FGL1: variants seen among roughly 807,000 people sequenced by gnomAD.
FGL1 encodes fibrinogen like 1, also known as fibrinogen-like protein 1.
FGL1 carries 59 observed loss-of-function variants against 43.7 expected under a neutral mutation model. The observed-to-expected ratio is 1.35, with a 90% CI of 1.10 to 1.68. The LOEUF is 1.68. FGL1 is among the 40% of genes most tolerant of loss of function. The pLI is 0.00. For missense variants in FGL1, 596 were observed against 373.0 expected (o/e 1.60, Z -4.92); for synonymous variants, 192 against 126.5 (o/e 1.52, Z -3.48).
rs1311966462 is a variant in FGL1, at chr8:17,875,499, CT to C, written c.245-979del. 6.9e-3 allele frequency among the ~76,000 whole-genome samples: 49 copies of C among 7,070 alleles called. 1 individual carries two copies. The highest frequency in any genetic ancestry group is 9.3e-3 in the African/African-American group (18 of 1,940). 4.6% of individuals were successfully genotyped at this position (7,070 alleles called of 152,430 possible). On this transcript the variant is annotated intron_variant, in intron 3 of 7. Transcript: ENST00000427924. ...GTGATATCTCTTTCTTTCTTTCTTT[CT>C]TTCTTTCTTTCTTTCTTTCTTTCTT...
chr8:17,878,601 C>T (rs1048902587), intron 3 of FGL1, among the ~76,000 whole-genome samples: 17 of 152,018 alleles, frequency 1.1e-4, no homozygotes, highest in Admixed American at 9.2e-4. Flanking sequence ...ATTCATAATC[C>T]GCTAGCACCC....
chr8:17,874,791 CT>C (rs2053420424), intron 3 of FGL1: 1 of 245,168 alleles, frequency 4.1e-6, no homozygotes, highest in Non-Finnish European at 7.7e-6. Context: ...TTTCTTTCTT[CT>C]TTTTTCTTTT....
chr8:17,864,463 A>G lies in FGL1; in HGVS notation c.*129T>C. On this transcript the variant is annotated 3_prime_UTR_variant, in exon 8 of 8. Coordinates refer to ENST00000427924, the MANE Select transcript of FGL1 (RefSeq NM_004467.4). ...TGAAAGCACATTAAGTAACAAAGGCAAGTGAGAAGAATGAAAAGCACTACT... is the reference window on the plus strand; with the variant it reads ...TGAAAGCACATTAAGTAACAAAGGCGAGTGAGAAGAATGAAAAGCACTACT... The G allele has an allele frequency of 1.1e-6, 1 of 946,136 alleles. No individual in the cohort carries two copies. Among genetic ancestry groups the G allele is most frequent in the South Asian group, 1.9e-5 (1 of 52,194 alleles). 58.6% of individuals were successfully genotyped at this position (946,136 alleles called of 1,614,324 possible).
chr8:17,868,617 C>T lies in FGL1; in HGVS notation c.710G>A (p.Trp237Ter), dbSNP rs563271358. ...ASHQRMKFST[W>*]DRDHDNYEGN... ...TTCATAGTTGTCATGATCTCTGTCC[C>T]ACGTGCTGAATTTCATTCTTTGGTG... The change falls in exon 7 of 8, where the codon TGG (tryptophan) becomes TAG (stop). Residue 237 changes from tryptophan to a stop codon, truncating the protein, a stop_gained. Coordinates refer to ENST00000427924, the MANE Select transcript of FGL1 (RefSeq NM_004467.4). LOFTEE classifies it high-confidence loss of function. 6.2e-7 allele frequency: 1 copy of T among 1,614,088 alleles called. No individual in the cohort carries two copies. Among genetic ancestry groups the T allele is most frequent in the Admixed American group, 1.7e-5 (1 of 59,986 alleles).
chr8:17,873,529 A>G (rs921645747), intron 5 of FGL1, among the ~76,000 whole-genome samples: 6 of 152,106 alleles, frequency 3.9e-5, no homozygotes, highest in African/African-American at 1.2e-4. Flanking sequence ...TTAAGCCACT[A>G]AGCTTTGGAA....
In FGL1 at chr8:17,873,981, T is replaced by C. The variant is rs779954253; in HGVS notation, c.502+38A>G. On this transcript the variant is annotated intron_variant, in intron 5 of 7. Coordinates refer to ENST00000427924, the MANE Select transcript of FGL1 (RefSeq NM_004467.4). ...AAAAAAAATTTTAGTGTTGTTTTTA[T>C]TATATTTCAAATAAATCTGACATCA... The C allele has an allele frequency of 1.2e-5, 18 of 1,455,276 alleles. No homozygotes were observed. The Admixed American group carries it at 4.3e-4, about 35-fold the overall frequency. 90.1% of individuals were successfully genotyped at this position (1,455,276 alleles called of 1,614,324 possible). A position where few individuals can be genotyped will look rare whatever the true frequency, so the allele number is the denominator to read the frequency against.
Position 17,875,533 on chromosome 8 carries a change from T to TTCTCTCTCTCTCTCTCTCTC in FGL1, c.245-1013_245-1012insGAGAGAGAGAGAGAGAGAGA, listed in dbSNP as rs553838593. On this transcript the variant is annotated intron_variant, in intron 3 of 7. Coordinates refer to ENST00000427924, the MANE Select transcript of FGL1 (RefSeq NM_004467.4). ...TTTCTTTCTTTCTTTCTTTCTTTCTTTCTCTTTCTTTCTTTCTTTCTTTCT... is the reference window on the plus strand; with the variant it reads ...TTTCTTTCTTTCTTTCTTTCTTTCTTTCTCTCTCTCTCTCTCTCTCTCTCTTTCTTTCTTTCTTTCTTTCT... Among the ~76,000 whole-genome samples, 5 of 11,846 alleles carry TTCTCTCTCTCTCTCTCTCTC rather than the reference T, an allele frequency of 4.2e-4. 1 individual carries two copies. Among genetic ancestry groups the TTCTCTCTCTCTCTCTCTCTC allele is most frequent in the African/African-American group, 1.2e-3 (5 of 4,302 alleles). The allele number at this position is 11,846 out of a possible 152,430, so 7.8% of individuals were successfully genotyped here. A position where few individuals can be genotyped will look rare whatever the true frequency, so the allele number is the denominator to read the frequency against.
At chr8:17,865,297 G>C (rs933274998) in intron 7 of FGL1, among the ~76,000 whole-genome samples, 18 of 152,146 alleles carry the variant, frequency 1.2e-4, no homozygotes, top group African/African-American at 4.3e-4. Context: ...TACTTAACAA[G>C]AGCTAAGGTG....
At position 17,895,443 on chromosome 8, in the gene FGL1, T is replaced by G. The variant is rs181767124; in HGVS notation, c.-18+4A>C. On this transcript the variant is annotated splice_donor_region_variant and intron_variant, in intron 1 of 7. Transcript: ENST00000427924. Reference sequence around the variant, plus strand: ...CAAAAATGCAGAGACATTAAATAACTTGCCTAAAGTCAGAAGTGAGTCAGA... The same window carrying G: ...CAAAAATGCAGAGACATTAAATAACGTGCCTAAAGTCAGAAGTGAGTCAGA... The G allele has an allele frequency of 5.5e-6, 7 of 1,283,220 alleles. No individual in the cohort carries two copies. In the East Asian group the frequency reaches 2.2e-4, roughly 41 times the overall value. 79.5% of individuals were successfully genotyped at this position (1,283,220 alleles called of 1,614,324 possible). A position where few individuals can be genotyped will look rare whatever the true frequency, so the allele number is the denominator to read the frequency against.
rs2053440403 is a variant in FGL1, at chr8:17,875,550, T to TTTCC, written c.245-1030_245-1029insGGAA. On this transcript the variant is annotated intron_variant, in intron 3 of 7. Transcript: ENST00000427924. ...TTCTTTCTTTCTCTTTCTTTCTTTC[T>TTTCC]TTCTTTCTTTCTTTCTTTCTTTCTT... Among the ~76,000 whole-genome samples, 5 of 15,960 alleles carry TTTCC rather than the reference T, an allele frequency of 3.1e-4. 1 individual carries two copies. The highest frequency in any genetic ancestry group is 1.4e-3 in the Admixed American group (3 of 2,190). 10.5% of individuals were successfully genotyped at this position (15,960 alleles called of 152,430 possible).
chr8:17,884,520 C>G (rs978728049), intron 2 of FGL1, among the ~76,000 whole-genome samples: 3 of 152,002 alleles, frequency 2.0e-5, no homozygotes, highest in Admixed American at 6.6e-5. Flanking sequence ...CTTATTTGTT[C>G]TTGTTACTCT....
chr8:17,884,449 C>T (rs1403439173), intron 2 of FGL1, among the ~76,000 whole-genome samples: 1 of 152,168 alleles, frequency 6.6e-6, no homozygotes, highest in Non-Finnish European at 1.5e-5. Context: ...CCCACCTCGG[C>T]CCCTCAAAGT....
chr8:17,880,462 C>A (rs1041306260), intron 3 of FGL1, among the ~76,000 whole-genome samples: 3 of 152,116 alleles, frequency 2.0e-5, no homozygotes. Context: ...ACTCTTTGAC[C>A]TCTACAGTCT....
chr8:17,870,855 G>A (rs1044432077), intron 5 of FGL1, among the ~76,000 whole-genome samples: 2 of 151,596 alleles, frequency 1.3e-5, no homozygotes, highest in Admixed American at 1.3e-4. Context: ...GCAGTGAGCC[G>A]AGATCGCGCC....
At chr8:17,879,623 C>G (rs936992759) in intron 3 of FGL1, among the ~76,000 whole-genome samples, 6 of 152,144 alleles carry the variant, frequency 3.9e-5, no homozygotes, top group Non-Finnish European at 7.3e-5. Flanking sequence ...GATGTGCCTG[C>G]TTCTGCTTTG....
At chr8:17,877,328 A>C (rs997879644) in intron 3 of FGL1, among the ~76,000 whole-genome samples, 2 of 152,190 alleles carry the variant, frequency 1.3e-5, no homozygotes, top group African/African-American at 4.8e-5. Context: ...ACTGTATTAA[A>C]CTGGGTTATG....
chr8:17,872,427 C>G (rs1013410747), intron 5 of FGL1, among the ~76,000 whole-genome samples: 1 of 150,948 alleles, frequency 6.6e-6, no homozygotes, highest in Non-Finnish European at 1.5e-5. Flanking sequence ...CTCAGCCTCC[C>G]AAGTGGCTGG....
At chr8:17,870,382 T>A (rs1391493434) in intron 5 of FGL1, among the ~76,000 whole-genome samples, 1 of 152,186 alleles carries the variant, frequency 6.6e-6, no homozygotes, top group Admixed American at 6.5e-5. Context: ...GGGCACCAAA[T>A]GTTATAAATC....
intron 7 of FGL1, among the ~76,000 whole-genome samples, chr8:17,865,880 CT>C (rs35155823): frequency 0.045 from 6,786 of 152,226 alleles, 524 homozygotes; most frequent in African/African-American, 0.15. Context: ...GCTTGAATCA[CT>C]TATCAGCTTA....
Sources: allele counts gnomAD v4.1 joint callset (sites outside exome capture counted in the v4.1 genomes callset), GRCh38; gene constraint gnomAD v4.1.1; transcripts MANE v1.5; gene names NCBI Gene and HGNC (gene_info 2026-07-23, HGNC 2026-07-21).